The following ARHGEF38 variants were observed in gnomAD, a reference collection of about 807,000 sequenced individuals.
The protein encoded by ARHGEF38 is Rho guanine nucleotide exchange factor (GEF) 38.
ARHGEF38 carries 79 observed loss-of-function variants against 79.9 expected under a neutral mutation model. That is an observed-to-expected ratio of 0.99 (90% CI 0.82 to 1.19). The LOEUF is 1.19. Ranked by LOEUF, ARHGEF38 falls within the 50% of genes most tolerant of loss-of-function variation. ARHGEF38 has a pLI of 0.00. For synonymous variants in ARHGEF38, 366 were observed against 328.3 expected, an observed-to-expected ratio of 1.11 and a Z score of -1.24; for missense variants, 962 against 907.2, an observed-to-expected ratio of 1.06 and a Z score of -0.78.
intron 8 of ARHGEF38, among the ~76,000 whole-genome samples, chr4:105,654,923 G>A (rs552231783): frequency 4.6e-5 from 7 of 152,180 alleles, no homozygotes; most frequent in African/African-American, 9.6e-5. Flanking sequence ...TTAGATATCC[G>A]TTTCTGGAAG....
intron 12 of ARHGEF38, 34 bp from the exon 13 acceptor site, chr4:105,667,410 A>C (rs1253447685): frequency 1.3e-6 from 2 of 1,534,518 alleles, no homozygotes; most frequent in Non-Finnish European, 1.7e-6. Context: ...ATACCCATGA[A>C]CTTGGTTCTT....
chr4:105,587,711 C>A (rs150259121), intron 1 of ARHGEF38, among the ~76,000 whole-genome samples: 2 of 152,068 alleles, frequency 1.3e-5, no homozygotes, highest in African/African-American at 4.8e-5. Context: ...CTGCCTGCCT[C>A]GGCCTCCCAA....
intron 1 of ARHGEF38, among the ~76,000 whole-genome samples, chr4:105,571,330 T>C (rs1305389107): frequency 6.9e-6 from 1 of 144,712 alleles, no homozygotes; most frequent in East Asian, 2.0e-4. Context: ...TCTTTTTTTT[T>C]TTTTTTTTTT....
chr4:105,630,178 G>A (rs981415431), intron 3 of ARHGEF38, among the ~76,000 whole-genome samples: 1 of 151,592 alleles, frequency 6.6e-6, no homozygotes, highest in Admixed American at 6.6e-5. Context: ...AAAATAACTT[G>A]CTCAAGTCAA....
intron 1 of ARHGEF38, among the ~76,000 whole-genome samples, chr4:105,579,949 T>C (rs1726701288): frequency 6.6e-6 from 1 of 152,170 alleles, no homozygotes. Context: ...TTCTTCCTGG[T>C]TCAGTTTTGG....
intron 3 of ARHGEF38, among the ~76,000 whole-genome samples, chr4:105,621,425 C>G (rs754993822): frequency 1.6e-4 from 24 of 152,298 alleles, no homozygotes; most frequent in Middle Eastern, 3.4e-3. Context: ...CGCTGAGAAT[C>G]AGACTGAAAG....
At chr4:105,647,592 C>T (rs1729904248) in intron 6 of ARHGEF38, among the ~76,000 whole-genome samples, 1 of 152,160 alleles carries the variant, frequency 6.6e-6, no homozygotes, top group Admixed American at 6.5e-5. Flanking sequence ...TGGTAATAGA[C>T]TATGAATATT....
intron 2 of ARHGEF38, among the ~76,000 whole-genome samples, chr4:105,600,227 C>T (rs968835773): frequency 3.3e-5 from 5 of 152,146 alleles, no homozygotes; most frequent in African/African-American, 1.2e-4. Flanking sequence ...ATATAAAACA[C>T]AAATAACAAT....
chr4:105,611,770 G>A lies in ARHGEF38; in HGVS notation c.385-1614G>A, dbSNP rs1578309939. ...GGATTAAAGACCTTAAGAACTAATA[G>A]TGGTTACAATGTAATAATTAGTATG... On this transcript the variant is annotated intron_variant, in intron 2 of 13. Coordinates refer to ENST00000420470, the MANE Select transcript of ARHGEF38 (RefSeq NM_001242729.2). Among the ~76,000 whole-genome samples the A allele has an allele frequency of 6.6e-5, 10 of 152,156 alleles. No individual in the cohort carries two copies. In the South Asian group the frequency reaches 2.1e-3, roughly 32 times the overall value.
In ARHGEF38 at chr4:105,584,908, A is replaced by C. The variant is rs868824366; in HGVS notation, c.197-4340A>C. On this transcript the variant is annotated intron_variant, in intron 1 of 13. Coordinates refer to ENST00000420470, the MANE Select transcript of ARHGEF38 (RefSeq NM_001242729.2). ...CCCCTTTGCCTTTGGGTGCTGTTGC[A>C]CTTCTCTAAGAGATCGAGGTTCTCC... 2.0e-5 allele frequency among the ~76,000 whole-genome samples: 3 copies of C among 152,246 alleles called. No individual in the cohort carries two copies. The South Asian group carries it at 6.2e-4, about 32-fold the overall frequency.
downstream of ARHGEF38, among the ~76,000 whole-genome samples, chr4:105,682,025 T>G (rs868666543): frequency 1.3e-5 from 2 of 152,154 alleles, no homozygotes; most frequent in Non-Finnish European, 2.9e-5. Context: ...GAATCAAAAT[T>G]CAACATTTAT....
chr4:105,559,786 A>G (rs937030610), intron 1 of ARHGEF38, among the ~76,000 whole-genome samples: 1 of 151,938 alleles, frequency 6.6e-6, no homozygotes, highest in Admixed American at 6.6e-5. Flanking sequence ...TCAGGATATA[A>G]CCCTTCTTCT....
At chr4:105,645,942 T>G (rs982483844) in intron 6 of ARHGEF38, among the ~76,000 whole-genome samples, 4 of 152,186 alleles carry the variant, frequency 2.6e-5, no homozygotes, top group African/African-American at 9.7e-5. Context: ...AATATAAAAT[T>G]AGTGTTTAAT....
chr4:105,625,813 A>G (rs971236298), intron 3 of ARHGEF38, among the ~76,000 whole-genome samples: 2 of 152,184 alleles, frequency 1.3e-5, no homozygotes, highest in Admixed American at 6.5e-5. Context: ...GACAGCTAGC[A>G]AGCTCTGTCA....
intron 13 of ARHGEF38, 24 bp from the exon 14 acceptor site, chr4:105,677,728 A>C (rs1413971353): frequency 2.2e-6 from 3 of 1,393,062 alleles, no homozygotes; most frequent in Non-Finnish European, 2.8e-6. Flanking sequence ...CAATTCCAAT[A>C]ATGTCTTTTG....
At chr4:105,560,387 C>T (rs1405888987) in intron 1 of ARHGEF38, among the ~76,000 whole-genome samples, 2 of 152,144 alleles carry the variant, frequency 1.3e-5, no homozygotes, top group African/African-American at 4.8e-5. Context: ...CATTTATTTG[C>T]ATCTCAATAA....
intron 1 of ARHGEF38, among the ~76,000 whole-genome samples, chr4:105,579,382 C>A (rs1298189925): frequency 6.6e-6 from 1 of 152,056 alleles, no homozygotes; most frequent in African/African-American, 2.4e-5. Flanking sequence ...ATAGATGGCT[C>A]TTATTATTTT....
chr4:105,648,830 C>A, intron 7 of ARHGEF38, 148 bp downstream of exon 7: 1 of 645,186 alleles, frequency 1.5e-6, no homozygotes, highest in Non-Finnish European at 2.4e-6. Context: ...CTCTCTCTCT[C>A]TCTCTCTCTC....
chr4:105,656,982 G>C (rs62320291), intron 9 of ARHGEF38, among the ~76,000 whole-genome samples: 5,951 of 152,064 alleles, frequency 0.039, 180 homozygotes, highest in Non-Finnish European at 0.062. Context: ...ATGGATGGAT[G>C]GATAGGTACA....
Sources: gnomAD v4.1 joint callset for allele counts (sites outside exome capture counted in the v4.1 genomes callset) on GRCh38, gnomAD v4.1.1 for gene constraint, MANE v1.5 for transcripts, NCBI Gene and HGNC (gene_info 2026-07-23, HGNC 2026-07-21) for gene names.